SUFU: variants seen among roughly 807,000 people sequenced by gnomAD.
The protein encoded by SUFU is SUFU negative regulator of hedgehog signaling.
Under a neutral mutation model 58.9 loss-of-function variants are expected in SUFU, and 7 were observed. The ratio of observed to expected loss-of-function variants is 0.12; its 90% CI spans 0.07 to 0.22. SUFU has a LOEUF of 0.22. Among genes scored for constraint, SUFU ranks in the 10% least tolerant of loss-of-function variants. SUFU has a pLI of 1.00. For synonymous variants in SUFU, 232 were observed against 254.8 expected, an observed-to-expected ratio of 0.91 and a Z score of 0.85; for missense variants, 451 against 641.3, an observed-to-expected ratio of 0.70 and a Z score of 3.20.
chr10:102,574,804 C>T (rs2063196963), intron 3 of SUFU, among the ~76,000 whole-genome samples: 1 of 152,102 alleles, frequency 6.6e-6, no homozygotes. Flanking sequence ...CTCCTGTAAT[C>T]CCAGCACTTT....
intron 1 of SUFU, among the ~76,000 whole-genome samples, chr10:102,507,067 G>A (rs1340703494): frequency 6.6e-6 from 1 of 152,174 alleles, no homozygotes; most frequent in Non-Finnish European, 1.5e-5. Flanking sequence ...TGTAAAATGC[G>A]ATTTTTTTCC....
chr10:102,577,186 C>T (rs561310126), intron 3 of SUFU, among the ~76,000 whole-genome samples: 2 of 144,008 alleles, frequency 1.4e-5, no homozygotes, highest in African/African-American at 2.6e-5. Flanking sequence ...CAGGTTCAAA[C>T]GATTCTCCTG....
At chr10:102,590,417 G>A (rs1309957131) in intron 3 of SUFU, among the ~76,000 whole-genome samples, 2 of 151,856 alleles carry the variant, frequency 1.3e-5, no homozygotes, top group East Asian at 1.9e-4. Context: ...CGCGTGCCTC[G>A]GCCTCCCAAA....
chr10:102,503,904 G>A, upstream of SUFU: 1 of 482,914 alleles, frequency 2.1e-6, no homozygotes, highest in Non-Finnish European at 3.6e-6. Flanking sequence ...TAGCCAATGG[G>A]TGCTTGGATA....
At chr10:102,589,599 C>T (rs1043491894) in intron 3 of SUFU, among the ~76,000 whole-genome samples, 1 of 151,908 alleles carries the variant, frequency 6.6e-6, no homozygotes, top group African/African-American at 2.4e-5. Context: ...GTGCACGCCA[C>T]CACGCCTGGC....
intron 9 of SUFU, among the ~76,000 whole-genome samples, chr10:102,616,167 T>A (rs953170503): frequency 2.0e-5 from 3 of 152,144 alleles, no homozygotes; most frequent in African/African-American, 7.2e-5. Context: ...CCCAGCTGTG[T>A]CCCTTCTGCT....
chr10:102,506,344 G>A (rs969279559), intron 1 of SUFU, among the ~76,000 whole-genome samples: 1 of 152,042 alleles, frequency 6.6e-6, no homozygotes, highest in African/African-American at 2.4e-5. Context: ...CTTCCTAGAT[G>A]CAGAAAAGTA....
intron 7 of SUFU, among the ~76,000 whole-genome samples, chr10:102,597,861 A>T (rs910406225): frequency 6.6e-6 from 1 of 152,202 alleles, no homozygotes; most frequent in African/African-American, 2.4e-5. Context: ...GGGAAGGAGG[A>T]TGTGGCTGTC....
chr10:102,527,216 A>C (rs982994055), intron 2 of SUFU, among the ~76,000 whole-genome samples: 2 of 151,844 alleles, frequency 1.3e-5, no homozygotes, highest in Non-Finnish European at 2.9e-5. Flanking sequence ...GTTAGCCAGG[A>C]TGGTCTCGAT....
intron 3 of SUFU, among the ~76,000 whole-genome samples, chr10:102,589,871 A>G (rs1172274182): frequency 3.3e-5 from 5 of 152,074 alleles, no homozygotes; most frequent in Non-Finnish European, 5.9e-5. Flanking sequence ...TAGTTCAGTC[A>G]CTTACCATTA....
rs78247976 is a variant in SUFU at position 102,594,310 on chromosome 10, T to C, written c.756+245T>C. On this transcript the variant is annotated intron_variant, in intron 6 of 11. Coordinates refer to ENST00000369902, the MANE Select transcript of SUFU (RefSeq NM_016169.4). ...AAAGGATATTTTTATTGTATGTAAA[T>C]TATATATTGGCTTAAAAAATTAGAT... is the stretch of plus-strand genomic sequence containing the variant. 8.8e-3 allele frequency among the ~76,000 whole-genome samples: 1,346 copies of C among 152,302 alleles called. 19 individuals are homozygous for C. The highest frequency in any genetic ancestry group is 0.031 in the African/African-American group (1,270 of 41,548).
At chr10:102,576,693 C>T (rs1234731447) in intron 3 of SUFU, among the ~76,000 whole-genome samples, 1 of 152,154 alleles carries the variant, frequency 6.6e-6, no homozygotes, top group Non-Finnish European at 1.5e-5. Context: ...GTTTATAGGT[C>T]CATGGCAACT....
intron 10 of SUFU, chr10:102,618,929 A>T (rs1479786578): frequency 3.2e-6 from 2 of 619,702 alleles, no homozygotes; most frequent in East Asian, 4.3e-5. Flanking sequence ...GTCCTCAGGT[A>T]GCGTGTGTGT....
In SUFU at chr10:102,628,882, G is replaced by A. The variant is rs1275027442; in HGVS notation, c.1366-1184G>A. On this transcript the variant is annotated intron_variant, in intron 11 of 11. Coordinates refer to ENST00000369902, the MANE Select transcript of SUFU (RefSeq NM_016169.4). This position sits in a 1 kb window ranked among gnomAD's most constrained non-coding sequence, Gnocchi z 4.5. ...AGAAAAGACAGACCCTGGGCCGGGC[G>A]CAGTGACTCATGTCTGTAATCCCAG... 6.6e-6 allele frequency among the ~76,000 whole-genome samples: 1 copy of A among 151,956 alleles called. No individual in the cohort carries two copies. The highest frequency in any genetic ancestry group is 2.4e-5 in the African/African-American group (1 of 41,374).
Position 102,617,918 on chromosome 10 carries a change from A to C in SUFU, c.1296+490A>C. On this transcript the variant is annotated intron_variant, in intron 10 of 11. Coordinates refer to ENST00000369902, the MANE Select transcript of SUFU (RefSeq NM_016169.4). This position sits in a 1 kb window ranked among gnomAD's most constrained non-coding sequence, Gnocchi z 4.4. ...AGCCTCCCCTTCTTAGCCTACCCCC[A>C]TCTGACAGCCCTCCCGTTCCTCCTG... 5 of 235,540 alleles carry C rather than the reference A, an allele frequency of 2.1e-5. No homozygotes were observed. The highest frequency in any genetic ancestry group is 8.6e-5 in the East Asian group (1 of 11,666). The allele number at this position is 235,540 out of a possible 1,614,324, so 14.6% of individuals were successfully genotyped here. A position where few individuals can be genotyped will look rare whatever the true frequency, so the allele number is the denominator to read the frequency against.
chr10:102,520,914 A>C (rs1316756426), intron 2 of SUFU, among the ~76,000 whole-genome samples: 1 of 152,160 alleles, frequency 6.6e-6, no homozygotes, highest in African/African-American at 2.4e-5. Context: ...GGCGATTTTT[A>C]ATTAAGCTTC....
intron 2 of SUFU, among the ~76,000 whole-genome samples, chr10:102,522,876 C>T (rs2135671848): frequency 6.6e-6 from 1 of 152,310 alleles, no homozygotes. Flanking sequence ...TCCTGGTCCT[C>T]ATTGGGCTGA....
intron 9 of SUFU, 71 bp downstream of exon 9, chr10:102,615,473 G>T (rs1476907273): frequency 6.2e-7 from 1 of 1,609,258 alleles, no homozygotes; most frequent in African/African-American, 1.3e-5. Context: ...GCACTTCAGA[G>T]CCTCCCCAGC....
intron 7 of SUFU, 86 bp downstream of exon 7, chr10:102,597,379 T>G: frequency 6.7e-7 from 1 of 1,487,180 alleles, no homozygotes; most frequent in Non-Finnish European, 9.0e-7. Context: ...GATGGGTCTC[T>G]AACAAAAACA....
Sources: gnomAD v4.1 joint callset for allele counts (sites outside exome capture counted in the v4.1 genomes callset) on GRCh38, gnomAD v4.1.1 for gene constraint, Gnocchi (gnomAD v3.1) non-coding constraint, MANE v1.5 for transcripts, NCBI Gene and HGNC (gene_info 2026-07-23, HGNC 2026-07-21) for gene names.